FAM110B: variants seen among roughly 807,000 people sequenced by gnomAD.
FAM110B encodes the protein protein FAM110B.
A neutral mutation model predicts 20.4 loss-of-function variants in FAM110B; 6 were observed. That is an observed-to-expected ratio of 0.29 (90% CI 0.16 to 0.58). The LOEUF is 0.58. Ranked by LOEUF, FAM110B falls within the 20% of genes least tolerant of loss-of-function variation. The pLI is 0.90. For missense variants in FAM110B, 434 were observed against 498.2 expected (o/e 0.87, Z 1.23); for synonymous variants, 226 against 214.1 (o/e 1.06, Z -0.49).
intron 1 of FAM110B, among the ~76,000 whole-genome samples, chr8:58,008,765 T>G (rs567671830): frequency 1.4e-4 from 21 of 152,310 alleles, no homozygotes; most frequent in Non-Finnish European, 3.1e-4. Context: ...ACACCAGGTA[T>G]GAGCTCCATG....
chr8:58,099,814 A>G (rs867269522), intron 3 of FAM110B, among the ~76,000 whole-genome samples: 1 of 152,050 alleles, frequency 6.6e-6, no homozygotes, highest in Non-Finnish European at 1.5e-5. Flanking sequence ...ATTTTCTACT[A>G]TGTGGCCTAT....
chr8:58,064,448 G>A (rs976929690), intron 2 of FAM110B, among the ~76,000 whole-genome samples: 7 of 151,564 alleles, frequency 4.6e-5, no homozygotes, highest in African/African-American at 1.5e-4. Context: ...AAAAAGTTGC[G>A]CTTAGTTAAG....
intron 3 of FAM110B, among the ~76,000 whole-genome samples, chr8:58,109,630 A>T (rs920914182): frequency 2.0e-5 from 3 of 152,168 alleles, no homozygotes; most frequent in African/African-American, 7.2e-5. Context: ...GCTGTGCTCC[A>T]CTGACACAAC....
chr8:57,996,756 C>T (rs2150560280), intron 1 of FAM110B, among the ~76,000 whole-genome samples: 1 of 152,208 alleles, frequency 6.6e-6, no homozygotes, highest in African/African-American at 2.4e-5. Flanking sequence ...TGGAAAGAAC[C>T]GTTGGTACAG....
chr8:58,064,758 G>A (rs1376424096), intron 2 of FAM110B, among the ~76,000 whole-genome samples: 3 of 152,178 alleles, frequency 2.0e-5, no homozygotes, highest in African/African-American at 4.8e-5. Flanking sequence ...TGTTCCAGAT[G>A]AGAAAATTGA....
At chr8:58,093,190 T>C (rs2150604829) in intron 3 of FAM110B, among the ~76,000 whole-genome samples, 1 of 152,290 alleles carries the variant, frequency 6.6e-6, no homozygotes, top group South Asian at 2.1e-4. Flanking sequence ...TTTCTCCCAT[T>C]CTGTAGGTTG....
At chr8:58,038,867 T>G (rs970546197) in intron 2 of FAM110B, among the ~76,000 whole-genome samples, 1 of 152,334 alleles carries the variant, frequency 6.6e-6, no homozygotes, top group East Asian at 1.9e-4. Flanking sequence ...GAGAAGAGCT[T>G]GGCATTCAGG....
intron 3 of FAM110B, among the ~76,000 whole-genome samples, chr8:58,130,243 T>A (rs1803417149): frequency 6.6e-6 from 1 of 152,234 alleles, no homozygotes; most frequent in Admixed American, 6.5e-5. Flanking sequence ...AATCTGCAAA[T>A]TGCCTTTATA....
chr8:58,042,575 G>A (rs776991716), intron 2 of FAM110B, among the ~76,000 whole-genome samples: 1 of 152,196 alleles, frequency 6.6e-6, no homozygotes, highest in Non-Finnish European at 1.5e-5. Flanking sequence ...AAGAGGTACT[G>A]TGGGACATTT....
intron 3 of FAM110B, among the ~76,000 whole-genome samples, chr8:58,086,695 T>C (rs1806345557): frequency 6.6e-6 from 1 of 152,210 alleles, no homozygotes; most frequent in Non-Finnish European, 1.5e-5. Flanking sequence ...ATATGTAAAA[T>C]ACTCTACAAA....
At chr8:58,016,063 G>A (rs1383752517) in intron 1 of FAM110B, among the ~76,000 whole-genome samples, 1 of 152,102 alleles carries the variant, frequency 6.6e-6, no homozygotes, top group Admixed American at 6.6e-5. Context: ...ACAAAGCTAT[G>A]TAGAGTATCT....
At chr8:58,021,730 T>C (rs1405862060) in intron 1 of FAM110B, among the ~76,000 whole-genome samples, 1 of 152,124 alleles carries the variant, frequency 6.6e-6, no homozygotes, top group Non-Finnish European at 1.5e-5. Context: ...GAGCAAGGTA[T>C]CATTTATAGC....
chr8:58,016,571 T>G (rs1804641367), intron 1 of FAM110B, among the ~76,000 whole-genome samples: 1 of 152,208 alleles, frequency 6.6e-6, no homozygotes, highest in Non-Finnish European at 1.5e-5. Context: ...GCAGGTCAAA[T>G]TTTTGGCCAG....
intron 3 of FAM110B, among the ~76,000 whole-genome samples, chr8:58,136,699 A>G (rs1803627056): frequency 1.3e-5 from 2 of 152,190 alleles, no homozygotes; most frequent in Admixed American, 6.5e-5. Context: ...GGGCCCTCTT[A>G]TAATAACACA....
chr8:58,006,924 T>TATATA (rs6150600), intron 1 of FAM110B, among the ~76,000 whole-genome samples: 3 of 110,958 alleles, frequency 2.7e-5, no homozygotes, highest in African/African-American at 3.8e-5. Context: ...TATATATATA[T>TATATA]TTTTCCAAAA....
At chr8:58,062,662 C>T (rs894540110) in intron 2 of FAM110B, among the ~76,000 whole-genome samples, 1 of 152,164 alleles carries the variant, frequency 6.6e-6, no homozygotes, top group African/African-American at 2.4e-5. Context: ...ATTTTAAACT[C>T]GATTCCCACT....
chr8:58,111,037 T>C (rs1232539757), intron 3 of FAM110B, among the ~76,000 whole-genome samples: 1 of 152,236 alleles, frequency 6.6e-6, no homozygotes, highest in Non-Finnish European at 1.5e-5. Flanking sequence ...TATTGTTTGT[T>C]CATTATAGTA....
intron 3 of FAM110B, among the ~76,000 whole-genome samples, chr8:58,093,842 A>G (rs530988547): frequency 2.6e-5 from 4 of 152,126 alleles, no homozygotes; most frequent in African/African-American, 9.7e-5. Flanking sequence ...TTTGGGCTGT[A>G]TGGCCATTTT....
chr8:58,049,417 A>G (rs1294923985), intron 2 of FAM110B, among the ~76,000 whole-genome samples: 4 of 151,064 alleles, frequency 2.6e-5, no homozygotes, highest in Non-Finnish European at 5.9e-5. Flanking sequence ...TTTTTTTTAA[A>G]TGTAGTTGCT....
Sources: allele counts gnomAD v4.1 joint callset (sites outside exome capture counted in the v4.1 genomes callset), GRCh38; gene constraint gnomAD v4.1.1; transcripts MANE v1.5; gene names NCBI Gene and HGNC (gene_info 2026-07-23, HGNC 2026-07-21).